Variants in SYNE2 observed in about 807,000 individuals in gnomAD.
The protein encoded by SYNE2 is nesprin-2.
Under a neutral mutation model 856.3 loss-of-function variants are expected in SYNE2, and 431 were observed. The ratio of observed to expected loss-of-function variants is 0.50; its 90% CI spans 0.47 to 0.55. SYNE2 has a LOEUF of 0.55. Ranked by LOEUF, SYNE2 falls within the 20% of genes least tolerant of loss-of-function variation. The pLI, the probability that SYNE2 is intolerant of heterozygous loss-of-function variation, is 0.00. For synonymous variants in SYNE2, 2,923 were observed against 2,872.3 expected (o/e 1.02, Z -0.56); for missense variants, 8,129 against 8,023.2 (o/e 1.01, Z -0.50).
At chr14:63,807,337 G>A (rs1421837093) in intron 1 of SYNE2, among the ~76,000 whole-genome samples, 5 of 129,490 alleles carry the variant, frequency 3.9e-5, no homozygotes, top group Admixed American at 1.6e-4. Context: ...ACAAGACCCT[G>A]TCTCAAAAAA....
chr14:63,934,511 C>T (rs1288157232), intron 2 of SYNE2, among the ~76,000 whole-genome samples: 1 of 151,254 alleles, frequency 6.6e-6, no homozygotes, highest in African/African-American at 2.4e-5. Flanking sequence ...AGTATAAGAC[C>T]CCTTTTATCT....
intron 32 of SYNE2, among the ~76,000 whole-genome samples, chr14:64,012,862 A>G (rs1308096196): frequency 1.3e-5 from 2 of 152,272 alleles, no homozygotes; most frequent in Non-Finnish European, 2.9e-5. Flanking sequence ...CTTCACAAAC[A>G]GTCCATTTCT....
chr14:63,965,024 G>A (rs558242527), intron 10 of SYNE2, among the ~76,000 whole-genome samples: 24 of 146,558 alleles, frequency 1.6e-4, no homozygotes, highest in African/African-American at 5.6e-4. Flanking sequence ...GTACAGTGGT[G>A]TGACCTTGGC....
chr14:64,016,155 G>T (rs906632965), intron 32 of SYNE2, among the ~76,000 whole-genome samples: 5 of 151,506 alleles, frequency 3.3e-5, no homozygotes, highest in African/African-American at 4.9e-5. Flanking sequence ...GCCATTGAAT[G>T]CAGATGCTTT....
chr14:64,203,211 G>T (rs1407229844), intron 100 of SYNE2, among the ~76,000 whole-genome samples: 1 of 152,042 alleles, frequency 6.6e-6, no homozygotes, highest in Non-Finnish European at 1.5e-5. Context: ...AATCTTGGTG[G>T]TTAATGAGAT....
intron 1 of SYNE2, among the ~76,000 whole-genome samples, chr14:63,817,152 G>A (rs1012787381): frequency 2.6e-5 from 4 of 152,042 alleles, no homozygotes; most frequent in Admixed American, 2.0e-4. Flanking sequence ...GTTCCTGATT[G>A]TTCCTATGTC....
At chr14:64,215,836 C>A in intron 107 of SYNE2, 4 of 734,310 alleles carry the variant, frequency 5.4e-6, no homozygotes, top group Non-Finnish European at 7.7e-6. Flanking sequence ...TAGCCCCATC[C>A]CTATCTGCCA....
intron 6 of SYNE2, among the ~76,000 whole-genome samples, chr14:63,943,374 G>A (rs563042035): frequency 4.1e-4 from 63 of 152,210 alleles, no homozygotes; most frequent in African/African-American, 1.5e-3. Flanking sequence ...TACCTAAAAT[G>A]TTGCATTTTC....
At chr14:63,948,156 GACACACACAT>G (rs1263518734) in intron 6 of SYNE2, among the ~76,000 whole-genome samples, 15 of 124,414 alleles carry the variant, frequency 1.2e-4, no homozygotes, top group African/African-American at 4.0e-4. Flanking sequence ...TACACACACA[GACACACACAT>G]ACACACACAC....
At chr14:63,989,492 C>T (rs138391686) in intron 19 of SYNE2, among the ~76,000 whole-genome samples, 21 of 152,210 alleles carry the variant, frequency 1.4e-4, no homozygotes, top group Admixed American at 3.9e-4. Flanking sequence ...CGCCCGCCAC[C>T]ACACCTGGCT....
At chr14:64,067,430 G>A (rs957315658) in intron 51 of SYNE2, among the ~76,000 whole-genome samples, 5 of 152,152 alleles carry the variant, frequency 3.3e-5, no homozygotes, top group Non-Finnish European at 2.9e-5. Flanking sequence ...TCATTAATCT[G>A]TCAACTTACA....
At chr14:63,895,624 C>T (rs1566737754) in intron 1 of SYNE2, among the ~76,000 whole-genome samples, 2 of 148,270 alleles carry the variant, frequency 1.3e-5, no homozygotes, top group African/African-American at 5.0e-5. Context: ...CAGAAATTAG[C>T]TGGGCAGGTG....
intron 114 of SYNE2, 57 bp downstream of exon 114, chr14:64,224,604 G>GAT (rs2098709989): frequency 6.3e-7 from 1 of 1,593,582 alleles, no homozygotes. Flanking sequence ...AAGTCACTAA[G>GAT]ATGAGGGAAG....
At chr14:63,985,704 G>A (rs1006525104) in intron 18 of SYNE2, among the ~76,000 whole-genome samples, 5 of 152,146 alleles carry the variant, frequency 3.3e-5, no homozygotes, top group Admixed American at 3.3e-4. Flanking sequence ...TTTGCAAAGT[G>A]ATATATACTA....
chr14:64,194,439 C>T lies in SYNE2; in HGVS notation c.18038+4202C>T, dbSNP rs117017150. Among the ~76,000 whole-genome samples, 26 of 152,202 alleles carry T rather than the reference C, an allele frequency of 1.7e-4. No individual in the cohort carries two copies. The East Asian group carries it at 5.0e-3, about 29-fold the overall frequency. On this transcript the variant is annotated intron_variant, in intron 99 of 115. Transcript: ENST00000555002. ...TCCCAGGTAGCTGGGACTACAAGCA[C>T]ACACCACCATGCCCGGATAGTTGTT...
At chr14:64,086,120 C>T (rs1324620880) in intron 57 of SYNE2, among the ~76,000 whole-genome samples, 1 of 152,154 alleles carries the variant, frequency 6.6e-6, no homozygotes, top group African/African-American at 2.4e-5. Flanking sequence ...GTGTTTTCTT[C>T]CAGTAACTTG....
chr14:64,170,225 C>T lies in SYNE2; in HGVS notation c.17001-3C>T, dbSNP rs1321788690. On this transcript the variant is annotated splice_region_variant and splice_polypyrimidine_tract_variant and intron_variant, in intron 93 of 115. Transcript: ENST00000555002. ...GATTCTATAACCATTTGTTTTTCCC[C>T]AGACCAGAATTTATTACAGAATTCT... 4 of 1,613,332 alleles carry T rather than the reference C, an allele frequency of 2.5e-6. No homozygotes were observed. Among genetic ancestry groups the T allele is most frequent in the African/African-American group, 1.3e-5 (1 of 74,902 alleles).
Position 64,073,981 on chromosome 14 carries a change from G to A in SYNE2, c.10711G>A (p.Val3571Ile). The A allele has an allele frequency of 6.2e-7, 1 of 1,614,080 alleles. No homozygotes were observed. Residue 3571 changes from valine (V) to isoleucine (I), a missense_variant, in exon 53 of 116, where the codon GTT (valine) becomes ATT (isoleucine). Around this residue, in one of 3 missense-constraint regions of SYNE2, gnomAD observed 5,410 missense variants for 5,284.8 expected, o/e 1.02. Coordinates refer to ENST00000555002, the MANE Select transcript of SYNE2 (RefSeq NM_182914.3). ...KERCNKLLQK[V>I]QKNKELVQTE... ...GTTCTCTTTTAGGCTTCTTCAGAAAGTTCAGAAAAATAAAGAATTGGTGCA... is the reference window on the plus strand; with the variant it reads ...GTTCTCTTTTAGGCTTCTTCAGAAAATTCAGAAAAATAAAGAATTGGTGCA...
rs565389598 is a variant in SYNE2 at position 64,149,521 on chromosome 14, G to A, written c.15640-3043G>A. ...CCATTGATGACTGGAAAAAGGCCAC[G>A]TTTGACATATTATAATTATCAAGGA... On this transcript the variant is annotated intron_variant, in intron 84 of 115. Transcript: ENST00000555002. Among the ~76,000 whole-genome samples, 20 of 152,206 alleles carry A rather than the reference G, an allele frequency of 1.3e-4. 1 individual carries two copies. The highest frequency in any genetic ancestry group is 4.3e-4 in the African/African-American group (18 of 41,530).
Sources: gnomAD v4.1 joint callset for allele counts (sites outside exome capture counted in the v4.1 genomes callset) on GRCh38, gnomAD v4.1.1 for gene constraint, gnomAD v4.1.1 regional missense constraint, MANE v1.5 for transcripts, NCBI Gene and HGNC (gene_info 2026-07-23, HGNC 2026-07-21) for gene names.